The following TMEFF2 variants were observed in gnomAD, a reference collection of about 807,000 sequenced individuals.
TMEFF2 encodes the protein transmembrane protein with EGF like and two follistatin like domains 2.
TMEFF2 carries 28 observed loss-of-function variants against 53.8 expected under a neutral mutation model. The observed-to-expected ratio is 0.52, with a 90% CI of 0.39 to 0.71. TMEFF2 has a LOEUF of 0.71. TMEFF2 is among the 30% of genes least tolerant of loss of function. TMEFF2 has a pLI of 0.00. For missense variants in TMEFF2, 353 were observed against 455.2 expected, an observed-to-expected ratio of 0.78 and a Z score of 2.04; for synonymous variants, 162 against 166.3, an observed-to-expected ratio of 0.97 and a Z score of 0.20.
rs1447279423 is a variant in TMEFF2 at position 191,962,220 on chromosome 2, G to GA, written c.746-5843dup. On this transcript the variant is annotated intron_variant, in intron 7 of 9. Transcript: ENST00000272771. The stretch of plus-strand genomic sequence containing the variant: ...AAAATAATTGAAACTACTTGGATCA[G>GA]AAACTTTGCTAGTGAGGCAGTGGTA... Among the ~76,000 whole-genome samples the GA allele has an allele frequency of 2.0e-5, 3 of 152,140 alleles. No homozygotes were observed. The East Asian group carries it at 5.8e-4, about 29-fold the overall frequency.
chr2:192,003,729 G>A (rs932329975), intron 5 of TMEFF2, among the ~76,000 whole-genome samples: 1 of 152,036 alleles, frequency 6.6e-6, no homozygotes, highest in Non-Finnish European at 1.5e-5. Flanking sequence ...ATATTTACAC[G>A]CAAATACACA....
At chr2:191,998,386 T>C (rs1686275460) in intron 6 of TMEFF2, 65 bp from the exon 7 acceptor site, 5 of 1,197,696 alleles carry the variant, frequency 4.2e-6, no homozygotes, top group South Asian at 4.1e-5. Flanking sequence ...ATCAAACTTA[T>C]ATATTTCCTC....
chr2:191,956,518 G>A, intron 7 of TMEFF2, 140 bp from the exon 8 acceptor site: 1 of 1,034,530 alleles, frequency 9.7e-7, no homozygotes, highest in African/African-American at 1.6e-5. Context: ...AGAAATAAGA[G>A]GAAGAAAGAA....
intron 5 of TMEFF2, among the ~76,000 whole-genome samples, chr2:192,014,416 T>G (rs1213898686): frequency 3.3e-5 from 5 of 152,234 alleles, no homozygotes; most frequent in Non-Finnish European, 4.4e-5. Flanking sequence ...CAAAATGCTT[T>G]AGATTCTCTG....
At chr2:192,002,992 C>T (rs768808537) in intron 5 of TMEFF2, among the ~76,000 whole-genome samples, 4 of 152,076 alleles carry the variant, frequency 2.6e-5, no homozygotes, top group Non-Finnish European at 4.4e-5. Context: ...GTCTATTAAG[C>T]TTATTCAGTC....
At chr2:191,972,308 C>CCTTTT (rs1692669457) in intron 7 of TMEFF2, among the ~76,000 whole-genome samples, 4 of 72,824 alleles carry the variant, frequency 5.5e-5, no homozygotes, top group African/African-American at 2.4e-4. Flanking sequence ...TCATGCCCAG[C>CCTTTT]TTTTTTTTTT....
intron 4 of TMEFF2, among the ~76,000 whole-genome samples, chr2:192,084,270 T>C (rs1008128786): frequency 2.0e-5 from 3 of 152,174 alleles, no homozygotes; most frequent in Non-Finnish European, 4.4e-5. Flanking sequence ...ACACCCGCAA[T>C]ATTTACTGTG....
At chr2:192,038,695 A>G (rs1687396102) in intron 5 of TMEFF2, among the ~76,000 whole-genome samples, 1 of 152,106 alleles carries the variant, frequency 6.6e-6, no homozygotes, top group Non-Finnish European at 1.5e-5. Context: ...CATGTAGCCC[A>G]GGCTGGTCTA....
At chr2:192,167,227 T>C (rs945229039) in intron 4 of TMEFF2, among the ~76,000 whole-genome samples, 1 of 152,112 alleles carries the variant, frequency 6.6e-6, no homozygotes, top group Non-Finnish European at 1.5e-5. Context: ...AAATATCTAA[T>C]GGCAGCATTA....
At chr2:192,125,220 A>G (rs1340637413) in intron 4 of TMEFF2, among the ~76,000 whole-genome samples, 1 of 152,184 alleles carries the variant, frequency 6.6e-6, no homozygotes, top group Non-Finnish European at 1.5e-5. Context: ...CTTATCTTAC[A>G]TCTAATCGAA....
intron 4 of TMEFF2, among the ~76,000 whole-genome samples, chr2:192,155,192 G>C (rs1035050781): frequency 9.2e-5 from 14 of 151,844 alleles, no homozygotes; most frequent in African/African-American, 3.4e-4. Flanking sequence ...TACAAAGCTG[G>C]AAAGCACCTT....
chr2:192,123,915 A>T (rs887838552), intron 4 of TMEFF2, among the ~76,000 whole-genome samples: 6 of 152,238 alleles, frequency 3.9e-5, no homozygotes, highest in Non-Finnish European at 8.8e-5. Context: ...ATGAGAAATA[A>T]GAAAATGTTT....
At chr2:192,191,732 GT>G in intron 2 of TMEFF2, 147 bp downstream of exon 2, 1 of 580,682 alleles carries the variant, frequency 1.7e-6, no homozygotes, top group Non-Finnish European at 3.0e-6. Context: ...CTTGACATCA[GT>G]TGGCTCTCTT....
At chr2:192,075,302 T>TAAATAAATAAATAAATAA (rs1258473625) in intron 4 of TMEFF2, among the ~76,000 whole-genome samples, 2 of 38,088 alleles carry the variant, frequency 5.3e-5, no homozygotes, top group African/African-American at 1.6e-4. Context: ...TATATATATA[T>TAAATAAATAAATAAATAA]ATATATATAT....
chr2:192,139,054 T>C (rs1287661598), intron 4 of TMEFF2, among the ~76,000 whole-genome samples: 2 of 152,204 alleles, frequency 1.3e-5, no homozygotes, highest in Non-Finnish European at 2.9e-5. Context: ...TAGGGCTCTC[T>C]TTCTGATGAG....
chr2:192,151,673 C>T (rs1690392627), intron 4 of TMEFF2, among the ~76,000 whole-genome samples: 1 of 151,816 alleles, frequency 6.6e-6, no homozygotes, highest in Non-Finnish European at 1.5e-5. Context: ...AAATTGTTCT[C>T]AAACTTTTCT....
chr2:192,132,476 A>T lies in TMEFF2; in HGVS notation c.439+47192T>A, dbSNP rs1170379190. On this transcript the variant is annotated intron_variant, in intron 4 of 9. Transcript: ENST00000272771. ...TTTTATTACCCAATCTGCTCCTGAC[A>T]TTAAATAAAACTCCAAAAAATAGAT... is the stretch of plus-strand genomic sequence containing the variant. Among the ~76,000 whole-genome samples, 3 of 152,122 alleles carry T rather than the reference A, an allele frequency of 2.0e-5. No homozygotes were observed. In the East Asian group the frequency reaches 5.8e-4, roughly 29 times the overall value.
At chr2:192,189,111 G>A (rs1445279217) in intron 2 of TMEFF2, among the ~76,000 whole-genome samples, 1 of 152,122 alleles carries the variant, frequency 6.6e-6, no homozygotes, top group East Asian at 1.9e-4. Flanking sequence ...ACAGAAATCA[G>A]TTTATTTAAA....
At chr2:191,994,633 A>G (rs893083411) in intron 7 of TMEFF2, among the ~76,000 whole-genome samples, 3 of 151,948 alleles carry the variant, frequency 2.0e-5, no homozygotes, top group African/African-American at 7.2e-5. Flanking sequence ...GAGGTGTAAA[A>G]CATTTGCTAT....
Sources: allele counts gnomAD v4.1 joint callset (sites outside exome capture counted in the v4.1 genomes callset), GRCh38; gene constraint gnomAD v4.1.1; transcripts MANE v1.5; gene names NCBI Gene and HGNC (gene_info 2026-07-23, HGNC 2026-07-21).